KCNG3: variants seen among roughly 807,000 people sequenced by gnomAD.
The protein encoded by KCNG3 is voltage-gated potassium channel regulatory subunit KCNG3.
In KCNG3, 15 loss-of-function variants were observed where a neutral mutation model predicts 29.0. The observed-to-expected ratio is 0.52, with a 90% CI of 0.35 to 0.80. KCNG3 has a LOEUF of 0.80. Ranked by LOEUF, KCNG3 falls within the 30% of genes least tolerant of loss-of-function variation. The pLI is 0.01. For synonymous variants in KCNG3, 322 were observed against 248.9 expected, an observed-to-expected ratio of 1.29 and a Z score of -2.76; for missense variants, 512 against 605.7, an observed-to-expected ratio of 0.85 and a Z score of 1.62.
At chr2:42,389,728 T>C in the KCNG3 span, among the ~76,000 whole-genome samples, 1 of 152,244 alleles carries the variant, frequency 6.6e-6, no homozygotes, top group Non-Finnish European at 1.5e-5. Context: ...TTAACTAAAC[T>C]GCAGACTTTA....
the KCNG3 span, among the ~76,000 whole-genome samples, chr2:42,398,585 C>T: frequency 2.6e-5 from 4 of 152,138 alleles, no homozygotes; most frequent in African/African-American, 7.2e-5. Flanking sequence ...AATTCTGAAA[C>T]GGCCCAGGAG....
chr2:42,450,250 G>C (rs953197741), intron 1 of KCNG3, among the ~76,000 whole-genome samples: 1 of 152,188 alleles, frequency 6.6e-6, no homozygotes, highest in South Asian at 2.1e-4. Context: ...GAGGTCCTCA[G>C]GGTTCTGCTT....
the KCNG3 span, among the ~76,000 whole-genome samples, chr2:42,436,718 C>T: frequency 1.3e-5 from 2 of 152,208 alleles, no homozygotes; most frequent in South Asian, 4.1e-4. Flanking sequence ...CATCTATCAT[C>T]CCAGCTACCC....
chr2:42,421,777 C>G, the KCNG3 span, among the ~76,000 whole-genome samples: 1 of 152,084 alleles, frequency 6.6e-6, no homozygotes, highest in Non-Finnish European at 1.5e-5. Context: ...AGAAACAGAC[C>G]CAGAGAGATG....
chr2:42,466,085 T>A (rs1375577052), intron 1 of KCNG3, among the ~76,000 whole-genome samples: 1 of 152,186 alleles, frequency 6.6e-6, no homozygotes, highest in African/African-American at 2.4e-5. Context: ...ATTTTTACTA[T>A]ACCTTTTCTC....
intron 1 of KCNG3, among the ~76,000 whole-genome samples, chr2:42,473,008 T>G (rs1394341531): frequency 6.7e-6 from 1 of 150,166 alleles, no homozygotes; most frequent in African/African-American, 2.5e-5. Flanking sequence ...TTCACGCTAT[T>G]CTCCTGCCTC....
At chr2:42,451,821 G>A (rs1672762025) in intron 1 of KCNG3, among the ~76,000 whole-genome samples, 1 of 151,708 alleles carries the variant, frequency 6.6e-6, no homozygotes, top group South Asian at 2.1e-4. Flanking sequence ...GATCCCCTGA[G>A]CCCAGGAGTT....
At chr2:42,483,235 T>C (rs1673635835) in intron 1 of KCNG3, among the ~76,000 whole-genome samples, 1 of 152,262 alleles carries the variant, frequency 6.6e-6, no homozygotes, top group African/African-American at 2.4e-5. Context: ...TATTCATTAC[T>C]AACTGCATAT....
chr2:42,434,216 C>T, the KCNG3 span, among the ~76,000 whole-genome samples: 249 of 152,094 alleles, frequency 1.6e-3, 1 homozygote, highest in African/African-American at 5.8e-3. Context: ...CTTTGGGATG[C>T]TAAGGTGTGA....
chr2:42,423,703 T>G, the KCNG3 span, among the ~76,000 whole-genome samples: 3 of 152,104 alleles, frequency 2.0e-5, no homozygotes, highest in Non-Finnish European at 4.4e-5. Context: ...GTCTTCAATG[T>G]TTTATTACTG....
intron 1 of KCNG3, among the ~76,000 whole-genome samples, chr2:42,473,051 G>T (rs773823931): frequency 4.0e-5 from 6 of 148,178 alleles, no homozygotes; most frequent in African/African-American, 1.2e-4. Flanking sequence ...ACAGGCACCC[G>T]CCACCACGCC....
At chr2:42,394,166 A>G in the KCNG3 span, among the ~76,000 whole-genome samples, 1 of 152,114 alleles carries the variant, frequency 6.6e-6, no homozygotes, top group Non-Finnish European at 1.5e-5. Flanking sequence ...CACACTTCTT[A>G]AATTTTATTG....
At chr2:42,392,330 C>T in the KCNG3 span, among the ~76,000 whole-genome samples, 1 of 152,110 alleles carries the variant, frequency 6.6e-6, no homozygotes, top group Non-Finnish European at 1.5e-5. Flanking sequence ...TGGCCCTTTG[C>T]TTGTTGCACT....
the KCNG3 span, among the ~76,000 whole-genome samples, chr2:42,406,338 G>T: frequency 6.6e-6 from 1 of 151,702 alleles, no homozygotes; most frequent in African/African-American, 2.4e-5. Flanking sequence ...TCCTGTCTCA[G>T]CCTCTGGAGT....
the KCNG3 span, among the ~76,000 whole-genome samples, chr2:42,396,854 G>A: frequency 0.62 from 94,254 of 152,032 alleles, 29,944 homozygotes; most frequent in East Asian, 0.77. Flanking sequence ...CAAGTCACTC[G>A]TTGGGGCATG....
At chr2:42,393,984 T>C in the KCNG3 span, among the ~76,000 whole-genome samples, 2 of 152,146 alleles carry the variant, frequency 1.3e-5, no homozygotes, top group African/African-American at 4.8e-5. Context: ...TTTCATCATG[T>C]TGGCCAGACT....
chr2:42,448,436 G>A (rs1015816662), intron 1 of KCNG3, among the ~76,000 whole-genome samples: 1 of 151,428 alleles, frequency 6.6e-6, no homozygotes, highest in Non-Finnish European at 1.5e-5. Context: ...TTCCCCCACT[G>A]GTTTGAAATG....
At chr2:42,456,216 T>C (rs1288698047) in intron 1 of KCNG3, among the ~76,000 whole-genome samples, 1 of 152,140 alleles carries the variant, frequency 6.6e-6, no homozygotes, top group Non-Finnish European at 1.5e-5. Context: ...TGCAATCATT[T>C]TTTAGCCTCT....
chr2:42,470,003 T>A (rs1005754327), intron 1 of KCNG3: 4 of 506,106 alleles, frequency 7.9e-6, no homozygotes, highest in Non-Finnish European at 1.4e-5. Context: ...ACAAGTACGT[T>A]TTGTGACAGG....
Sources: allele counts gnomAD v4.1 joint callset (sites outside exome capture counted in the v4.1 genomes callset), GRCh38; gene constraint gnomAD v4.1.1; transcripts MANE v1.5; gene names NCBI Gene and HGNC (gene_info 2026-07-23, HGNC 2026-07-21).